ODAD2: variants seen among roughly 807,000 people sequenced by gnomAD.
The protein encoded by ODAD2 is outer dynein arm-docking complex subunit 2.
A neutral mutation model predicts 106.8 loss-of-function variants in ODAD2; 89 were observed. That is an observed-to-expected ratio of 0.83 (90% CI 0.70 to 0.99). The LOEUF is 0.99. Ranked by LOEUF, ODAD2 falls within the 50% of genes least tolerant of loss-of-function variation. ODAD2 has a pLI of 0.00. For missense variants in ODAD2, 1,168 were observed against 1,238.5 expected, an observed-to-expected ratio of 0.94 and a Z score of 0.85; for synonymous variants, 404 against 436.2, an observed-to-expected ratio of 0.93 and a Z score of 0.92.
At chr10:27,819,285 G>A (rs773805947) in intron 19 of ODAD2, among the ~76,000 whole-genome samples, 57 of 152,072 alleles carry the variant, frequency 3.7e-4, no homozygotes, top group Non-Finnish European at 7.1e-4. Flanking sequence ...ATGAAAAAGG[G>A]GGAAAGAGAA....
intron 17 of ODAD2, among the ~76,000 whole-genome samples, chr10:27,897,467 C>A (rs1199598862): frequency 1.3e-5 from 2 of 152,260 alleles, no homozygotes; most frequent in South Asian, 2.1e-4. Context: ...AAAATTCAAA[C>A]ATCCAATCAC....
chr10:27,899,051 A>G (rs957198001), intron 17 of ODAD2, among the ~76,000 whole-genome samples: 1 of 151,618 alleles, frequency 6.6e-6, no homozygotes. Flanking sequence ...TCTGGTCTGC[A>G]GCTCCCAGTG....
At position 27,961,653 on chromosome 10, in the gene ODAD2, T is replaced by C. The variant is rs777554533; in HGVS notation, c.1301A>G (p.Glu434Gly). Residue 434 changes from glutamate to glycine, a missense_variant, in exon 10 of 20, where the codon GAA (glutamate) becomes GGA (glycine). By Grantham distance (98) the Glu-to-Gly change is moderately conservative. Around this residue, in one of 3 missense-constraint regions of ODAD2, gnomAD observed 37 missense variants for 74.1 expected, o/e 0.50. Transcript: ENST00000305242. ...TTCCTGACGATGGTCAGGTGGTTCT[T>C]CATCTTCCTCACTTTCTGAGGAGCT... ...SDSSSESEED[E>G]EPPDHRQEAS... 11 of 1,609,434 alleles carry C rather than the reference T, an allele frequency of 6.8e-6. No homozygotes were observed. The Middle Eastern group carries it at 5.0e-4, about 73-fold the overall frequency.
At chr10:27,858,858 C>T (rs1209308894) in intron 19 of ODAD2, among the ~76,000 whole-genome samples, 3 of 139,116 alleles carry the variant, frequency 2.2e-5, no homozygotes, top group Admixed American at 7.9e-5. Flanking sequence ...GGCTGGAGTG[C>T]AGTGGTGTGA....
rs552680994 is a variant in ODAD2 at position 27,820,971 on chromosome 10, G to A, written c.3022-8346C>T. On this transcript the variant is annotated intron_variant, in intron 19 of 19. Coordinates refer to ENST00000305242, the MANE Select transcript of ODAD2 (RefSeq NM_018076.5). The stretch of plus-strand genomic sequence containing the variant: ...AATTTTGCATTTTTAGTAGAGACAG[G>A]GTTTTACCATGTTGGTCAGGCTGGT... Among the ~76,000 whole-genome samples the A allele has an allele frequency of 6.5e-4, 99 of 151,862 alleles. 1 individual carries two copies. Among genetic ancestry groups the A allele is most frequent in the African/African-American group, 2.4e-3 (99 of 41,420 alleles).
intron 17 of ODAD2, among the ~76,000 whole-genome samples, chr10:27,882,173 A>AAAG (rs1554799031): frequency 0.025 from 2,792 of 109,616 alleles, 81 homozygotes; most frequent in Non-Finnish European, 0.035. Context: ...GTCATAAAAA[A>AAAG]AAAGAAAGAA....
intron 17 of ODAD2, among the ~76,000 whole-genome samples, chr10:27,889,937 GCAGGTAC>G (rs1375241938): frequency 6.6e-5 from 10 of 152,124 alleles, no homozygotes; most frequent in Non-Finnish European, 1.0e-4. Context: ...AGTTCATTAG[GCAGGTAC>G]CATGGAAAGA....
At chr10:27,976,961 C>T (rs993861007) in intron 7 of ODAD2, among the ~76,000 whole-genome samples, 1 of 151,784 alleles carries the variant, frequency 6.6e-6, no homozygotes, top group African/African-American at 2.4e-5. Flanking sequence ...TAATTTTTGA[C>T]AAAGTTATAA....
intron 17 of ODAD2, among the ~76,000 whole-genome samples, chr10:27,887,557 C>T (rs561250537): frequency 6.6e-6 from 1 of 152,034 alleles, no homozygotes; most frequent in African/African-American, 2.4e-5. Flanking sequence ...AAACGTTCTC[C>T]AGGATAGACC....
intron 10 of ODAD2, among the ~76,000 whole-genome samples, chr10:27,959,474 A>T (rs1283762969): frequency 1.3e-5 from 2 of 152,016 alleles, no homozygotes; most frequent in Non-Finnish European, 2.9e-5. Context: ...GCACTGTTGC[A>T]AGCGTGGCCT....
intron 10 of ODAD2, among the ~76,000 whole-genome samples, chr10:27,948,096 T>C (rs1358508884): frequency 1.3e-5 from 2 of 152,172 alleles, no homozygotes; most frequent in Non-Finnish European, 2.9e-5. Flanking sequence ...TAAGAGTTTA[T>C]AGCTTTTTGA....
At chr10:27,952,455 G>A (rs117525151) in intron 10 of ODAD2, among the ~76,000 whole-genome samples, 1 of 151,602 alleles carries the variant, frequency 6.6e-6, no homozygotes, top group Non-Finnish European at 1.5e-5. Flanking sequence ...TTGTTACATA[G>A]GTAAACGTGT....
intron 19 of ODAD2, among the ~76,000 whole-genome samples, chr10:27,830,901 C>A (rs529419289): frequency 6.6e-6 from 1 of 152,172 alleles, no homozygotes; most frequent in African/African-American, 2.4e-5. Flanking sequence ...TGGCAAGATT[C>A]TTTAAATAAT....
At position 27,812,178 on chromosome 10, in the gene ODAD2, C is replaced by A; in HGVS notation, c.*334G>T. On this transcript the variant is annotated 3_prime_UTR_variant, in exon 20 of 20. Transcript: ENST00000305242. ...CTATGAAACTGTGCATTGGGAAGGC[C>A]ATATCCTTTTTATTAAAATCGCCAC... The A allele has an allele frequency of 4.9e-6, 1 of 204,116 alleles. No individual in the cohort carries two copies. The highest frequency in any genetic ancestry group is 9.4e-6 in the Non-Finnish European group (1 of 106,078). 12.6% of individuals were successfully genotyped at this position (204,116 alleles called of 1,614,324 possible). A position where few individuals can be genotyped will look rare whatever the true frequency, so the allele number is the denominator to read the frequency against.
intron 7 of ODAD2, among the ~76,000 whole-genome samples, chr10:27,973,797 C>T (rs1003671496): frequency 3.9e-5 from 6 of 152,016 alleles, no homozygotes; most frequent in African/African-American, 1.5e-4. Flanking sequence ...GGGTATATAC[C>T]CAGTAATGAA....
chr10:27,989,169 G>A (rs1850068432), intron 2 of ODAD2, among the ~76,000 whole-genome samples: 2 of 152,136 alleles, frequency 1.3e-5, no homozygotes, highest in Non-Finnish European at 2.9e-5. Context: ...CTCTAGAACT[G>A]TAAGATAATA....
At chr10:27,815,779 T>C (rs912728229) in intron 19 of ODAD2, among the ~76,000 whole-genome samples, 19 of 152,154 alleles carry the variant, frequency 1.2e-4, no homozygotes, top group Non-Finnish European at 2.2e-4. Context: ...CATCTTTCAC[T>C]ACCTGAATTC....
At chr10:27,955,917 T>C (rs1847697761) in intron 10 of ODAD2, among the ~76,000 whole-genome samples, 1 of 151,916 alleles carries the variant, frequency 6.6e-6, no homozygotes, top group African/African-American at 2.4e-5. Flanking sequence ...CCGGTGGCAT[T>C]TCTGATGTGA....
At chr10:27,918,029 C>T (rs565319000) in intron 16 of ODAD2, among the ~76,000 whole-genome samples, 1 of 151,602 alleles carries the variant, frequency 6.6e-6, no homozygotes, top group South Asian at 2.1e-4. Context: ...ATTTTAAAAA[C>T]CAATTAAAAA....
Sources: allele counts gnomAD v4.1 joint callset (sites outside exome capture counted in the v4.1 genomes callset), GRCh38; gene constraint gnomAD v4.1.1; regional missense constraint gnomAD v4.1.1; transcripts MANE v1.5; gene names NCBI Gene and HGNC (gene_info 2026-07-23, HGNC 2026-07-21).